Variants in FRMD4B observed in about 807,000 individuals in gnomAD.
FRMD4B encodes FERM domain containing 4B.
FRMD4B carries 74 observed loss-of-function variants against 141.5 expected under a neutral mutation model. The observed-to-expected ratio is 0.52, with a 90% confidence interval of 0.43 to 0.63. The LOEUF (loss-of-function observed/expected upper bound fraction) is 0.63. Ranked by LOEUF, FRMD4B falls within the 30% of genes least tolerant of loss-of-function variation. FRMD4B has a pLI of 0.00. For synonymous variants in FRMD4B, 506 were observed against 467.9 expected, an observed-to-expected ratio of 1.08 and a Z score of -1.05; for missense variants, 1,366 against 1,253.4, an observed-to-expected ratio of 1.09 and a Z score of -1.36.
At chr3:69,358,526 A>T (rs1236382263) in intron 1 of FRMD4B, among the ~76,000 whole-genome samples, 1 of 152,184 alleles carries the variant, frequency 6.6e-6, no homozygotes, top group Admixed American at 6.5e-5. Flanking sequence ...GCTTGAGTTC[A>T]GGAGTTTGAG....
chr3:69,427,652 T>TTTTTTTTTTTTTTTTTTG (rs1705107705), intron 2 of FRMD4B, among the ~76,000 whole-genome samples: 1 of 119,896 alleles, frequency 8.3e-6, no homozygotes, highest in Non-Finnish European at 1.7e-5. Context: ...TGTTTTTTTT[T>TTTTTTTTTTTTTTTTTTG]TTTTTTTTTT....
intron 1 of FRMD4B, among the ~76,000 whole-genome samples, chr3:69,500,697 C>T (rs533262615): frequency 6.6e-6 from 1 of 151,890 alleles, no homozygotes; most frequent in African/African-American, 2.4e-5. Context: ...CCCCCCACCC[C>T]CCAAGCCAGG....
intron 2 of FRMD4B, among the ~76,000 whole-genome samples, chr3:69,421,782 T>C (rs1393245789): frequency 6.6e-6 from 1 of 152,234 alleles, no homozygotes. Flanking sequence ...ATGTCCAGCT[T>C]TGTAGAAAAT....
intron 1 of FRMD4B, chr3:69,322,866 G>A (rs1702058334): frequency 1.1e-5 from 2 of 181,960 alleles, no homozygotes; most frequent in Non-Finnish European, 2.1e-5. Flanking sequence ...CTCTTGAAGT[G>A]ATGGGGTTAT....
chr3:69,220,858 A>G (rs1352188549), intron 9 of FRMD4B, among the ~76,000 whole-genome samples: 2 of 152,202 alleles, frequency 1.3e-5, no homozygotes, highest in Admixed American at 6.5e-5. Context: ...TGTCTCAAAA[A>G]GAGAGATTAG....
At chr3:69,215,027 A>G (rs2093125732) in intron 11 of FRMD4B, among the ~76,000 whole-genome samples, 1 of 149,828 alleles carries the variant, frequency 6.7e-6, no homozygotes, top group African/African-American at 2.5e-5. Context: ...CTATACGCGC[A>G]TGCCGCTATG....
intron 2 of FRMD4B, among the ~76,000 whole-genome samples, chr3:69,425,113 G>A (rs1385355414): frequency 1.3e-5 from 2 of 152,092 alleles, no homozygotes; most frequent in Non-Finnish European, 2.9e-5. Context: ...GGTTTTTCAT[G>A]GTGTTATTAT....
chr3:69,344,629 CTT>C (rs764199161), intron 1 of FRMD4B, among the ~76,000 whole-genome samples: 9 of 152,308 alleles, frequency 5.9e-5, no homozygotes, highest in East Asian at 1.9e-4. Flanking sequence ...CTCTCTCTCT[CTT>C]GTCTACTGGG....
chr3:69,363,131 A>AT (rs1304412477), intron 1 of FRMD4B, among the ~76,000 whole-genome samples: 6 of 151,076 alleles, frequency 4.0e-5, no homozygotes, highest in African/African-American at 1.5e-4. Flanking sequence ...GGCTTCTTCT[A>AT]TTTTTCCACC....
intron 6 of FRMD4B, 140 bp from the exon 7 acceptor site, chr3:69,249,388 G>T: frequency 1.7e-6 from 1 of 579,944 alleles, no homozygotes; most frequent in Non-Finnish European, 3.1e-6. Context: ...CTCCCTATAG[G>T]CATAAGAAGA....
At chr3:69,255,520 G>A (rs2093487103) in intron 5 of FRMD4B, among the ~76,000 whole-genome samples, 1 of 152,044 alleles carries the variant, frequency 6.6e-6, no homozygotes, top group Admixed American at 6.6e-5. Flanking sequence ...ACTCCAGCTT[G>A]GGTGACAAAG....
intron 1 of FRMD4B, among the ~76,000 whole-genome samples, chr3:69,491,554 C>T (rs1028080048): frequency 6.6e-6 from 1 of 152,096 alleles, no homozygotes; most frequent in African/African-American, 2.4e-5. Flanking sequence ...ATTCTATTTC[C>T]TGAACTTCTC....
intron 1 of FRMD4B, among the ~76,000 whole-genome samples, chr3:69,466,799 G>C (rs1348967866): frequency 6.6e-6 from 1 of 152,122 alleles, no homozygotes; most frequent in East Asian, 1.9e-4. Flanking sequence ...TAGGTTCACT[G>C]ATCCTCCCAT....
At chr3:69,463,477 C>T (rs1705734665) in intron 1 of FRMD4B, among the ~76,000 whole-genome samples, 1 of 152,204 alleles carries the variant, frequency 6.6e-6, no homozygotes, top group African/African-American at 2.4e-5. Flanking sequence ...AAAACATTTT[C>T]ATTTAATGAG....
At position 69,449,903 on chromosome 3, in the gene FRMD4B, A is replaced by T. The variant is rs11920822; in HGVS notation, c.-128-17142T>A. 7.0e-3 allele frequency among the ~76,000 whole-genome samples: 1,059 copies of T among 152,278 alleles called. 15 individuals are homozygous for T. The highest frequency in any genetic ancestry group is 0.024 in the African/African-American group (995 of 41,540). ...TTTAGTAGGGCACTATGATACAGAAACTAAGAGGGCTGCTTCTGGAGTCAT... is the reference window on the plus strand; with the variant it reads ...TTTAGTAGGGCACTATGATACAGAATCTAAGAGGGCTGCTTCTGGAGTCAT... On this transcript the variant is annotated intron_variant, in intron 1 of 5. Coordinates refer to the FRMD4B transcript ENST00000459638.
chr3:69,180,947 G>A lies in FRMD4B; in HGVS notation c.2803C>T (p.Leu935=), dbSNP rs372002481. The change falls in exon 21 of 23, where the codon CTG becomes TTG. Residue 935 remains leucine, a synonymous_variant. Coordinates refer to ENST00000398540, the MANE Select transcript of FRMD4B (RefSeq NM_015123.3). ...CTGCTTGGAGAACAAGGTACTTGCA[G>A]CCCCGCAAACCCCAGGCATCTCTGT... ...GSQRCLGFAG[L]QVPCSPSSRA... The A allele has an allele frequency of 2.9e-5, 47 of 1,612,808 alleles. No homozygotes were observed. The African/African-American group carries it at 4.5e-4, about 16-fold the overall frequency.
At chr3:69,486,305 T>A (rs762711543) in intron 1 of FRMD4B, among the ~76,000 whole-genome samples, 1 of 152,226 alleles carries the variant, frequency 6.6e-6, no homozygotes, top group Non-Finnish European at 1.5e-5. Flanking sequence ...TGTGAGATTT[T>A]GGTGTATGCA....
chr3:69,492,199 G>A (rs1706310829), intron 1 of FRMD4B, among the ~76,000 whole-genome samples: 1 of 152,166 alleles, frequency 6.6e-6, no homozygotes, highest in South Asian at 2.1e-4. Context: ...AAGTTTGCAA[G>A]ACCTGCATTT....
chr3:69,397,644 T>C (rs75628639), intron 2 of FRMD4B, among the ~76,000 whole-genome samples: 5,587 of 152,294 alleles, frequency 0.037, 349 homozygotes, highest in African/African-American at 0.13. Context: ...ATCCCATTTA[T>C]ATGAAATGTC....
Sources: gnomAD v4.1 joint callset for allele counts (sites outside exome capture counted in the v4.1 genomes callset) on GRCh38, gnomAD v4.1.1 for gene constraint, MANE v1.5 for transcripts, NCBI Gene and HGNC (gene_info 2026-07-23, HGNC 2026-07-21) for gene names.